The following ADAMTSL1 variants were observed in gnomAD, a reference collection of about 807,000 sequenced individuals.
ADAMTSL1 encodes ADAMTS like 1.
ADAMTSL1 carries 126 observed loss-of-function variants against 201.8 expected under a neutral mutation model. The ratio of observed to expected loss-of-function variants is 0.62; its 90% CI spans 0.54 to 0.72. ADAMTSL1 has a LOEUF of 0.72. Among genes scored for constraint, ADAMTSL1 ranks in the 30% least tolerant of loss-of-function variants. The pLI, the probability that ADAMTSL1 is intolerant of heterozygous loss-of-function variation, is 0.00. For missense variants in ADAMTSL1, 2,679 were observed against 2,277.8 expected (o/e 1.18, Z -3.59); for synonymous variants, 1,121 against 903.4 (o/e 1.24, Z -4.32).
At chr9:18,799,431 G>A (rs1448747848) in intron 20 of ADAMTSL1, among the ~76,000 whole-genome samples, 1 of 152,200 alleles carries the variant, frequency 6.6e-6, no homozygotes, top group Non-Finnish European at 1.5e-5. Flanking sequence ...AGGAAAGGAA[G>A]TAGTTTCCAG....
intron 1 of ADAMTSL1, among the ~76,000 whole-genome samples, chr9:18,101,699 T>C (rs779225731): frequency 1.6e-4 from 25 of 152,040 alleles, no homozygotes; most frequent in Non-Finnish European, 2.8e-4. Context: ...AGGTGAGAGA[T>C]AAGGCACCGT....
At chr9:18,040,869 T>C (rs1359584504) in intron 1 of ADAMTSL1, among the ~76,000 whole-genome samples, 4 of 152,188 alleles carry the variant, frequency 2.6e-5, no homozygotes, top group Non-Finnish European at 1.5e-5. Context: ...AATCTGAGGA[T>C]CAGTTTGTCA....
chr9:18,810,838 G>C (rs550114978), intron 20 of ADAMTSL1, among the ~76,000 whole-genome samples: 1 of 152,016 alleles, frequency 6.6e-6, no homozygotes, highest in South Asian at 2.1e-4. Flanking sequence ...ACCACTAAAG[G>C]CCCTGTACAT....
chr9:17,918,447 A>T (rs1826185871), intron 1 of ADAMTSL1, among the ~76,000 whole-genome samples: 1 of 151,596 alleles, frequency 6.6e-6, no homozygotes, highest in African/African-American at 2.4e-5. Context: ...TTATCTGGGT[A>T]TCTTTGTGTT....
chr9:18,228,787 G>T (rs1830528108), intron 2 of ADAMTSL1, among the ~76,000 whole-genome samples: 1 of 151,536 alleles, frequency 6.6e-6, no homozygotes, highest in Non-Finnish European at 1.5e-5. Context: ...CCTGAAACGT[G>T]TGTGATACTT....
chr9:18,503,439 A>ATATATATATATATATATATATATG (rs1822952070), intron 1 of ADAMTSL1, among the ~76,000 whole-genome samples: 1 of 149,004 alleles, frequency 6.7e-6, no homozygotes, highest in South Asian at 2.1e-4. Flanking sequence ...ATATATATAT[A>ATATATATATATATATATATATATG]TACCACATTT....
At chr9:18,218,153 C>T (rs1587334759) in intron 2 of ADAMTSL1, among the ~76,000 whole-genome samples, 1 of 152,170 alleles carries the variant, frequency 6.6e-6, no homozygotes, top group East Asian at 1.9e-4. Context: ...AAGCTACAGT[C>T]ATCTACGATC....
chr9:18,625,488 A>G (rs1826307705), intron 5 of ADAMTSL1, among the ~76,000 whole-genome samples: 1 of 152,170 alleles, frequency 6.6e-6, no homozygotes, highest in African/African-American at 2.4e-5. Context: ...GAAATAGAGC[A>G]AGATCAAAGT....
intron 8 of ADAMTSL1, among the ~76,000 whole-genome samples, chr9:18,658,793 C>T (rs1422282842): frequency 2.0e-5 from 3 of 152,188 alleles, no homozygotes; most frequent in Non-Finnish European, 4.4e-5. Context: ...TACAGCAAAT[C>T]ATTTAGTTCC....
At chr9:18,794,635 TG>T (rs1465411076) in intron 19 of ADAMTSL1, among the ~76,000 whole-genome samples, 42 of 107,674 alleles carry the variant, frequency 3.9e-4, no homozygotes, top group African/African-American at 9.9e-4. Context: ...TGTTTTTTTT[TG>T]TTGTTGTTGT....
intron 1 of ADAMTSL1, among the ~76,000 whole-genome samples, chr9:18,012,506 G>T (rs903915926): frequency 1.3e-5 from 2 of 152,146 alleles, no homozygotes; most frequent in Non-Finnish European, 2.9e-5. Flanking sequence ...CCCATTTTCC[G>T]GGGCTGGGCT....
At chr9:18,717,935 C>A in intron 14 of ADAMTSL1, 1 of 1,326,648 alleles carries the variant, frequency 7.5e-7, no homozygotes. Context: ...GACAACAGTT[C>A]TTCAGAGCTG....
At chr9:18,371,033 A>G (rs1412057869) in intron 2 of ADAMTSL1, among the ~76,000 whole-genome samples, 1 of 152,152 alleles carries the variant, frequency 6.6e-6, no homozygotes, top group Non-Finnish European at 1.5e-5. Context: ...TGTGACCTTC[A>G]TATCCAATTA....
chr9:17,981,031 C>G (rs1281866663), intron 1 of ADAMTSL1, among the ~76,000 whole-genome samples: 1 of 152,126 alleles, frequency 6.6e-6, no homozygotes, highest in Non-Finnish European at 1.5e-5. Flanking sequence ...GAGGATGGGA[C>G]CAAGCCATTC....
chr9:18,897,282 T>A (rs902897407), intron 26 of ADAMTSL1, among the ~76,000 whole-genome samples: 2 of 152,066 alleles, frequency 1.3e-5, no homozygotes, highest in African/African-American at 4.8e-5. Flanking sequence ...TTACTCAGCC[T>A]TCCCAGGACT....
chr9:18,488,689 C>G (rs1822118599), intron 1 of ADAMTSL1, among the ~76,000 whole-genome samples: 1 of 152,186 alleles, frequency 6.6e-6, no homozygotes, highest in South Asian at 2.1e-4. Context: ...ACACAGGTAG[C>G]AGGTGCCCAA....
At chr9:17,957,263 C>T (rs985158799) in intron 1 of ADAMTSL1, among the ~76,000 whole-genome samples, 4 of 152,144 alleles carry the variant, frequency 2.6e-5, no homozygotes, top group Non-Finnish European at 2.9e-5. Flanking sequence ...CTAGAAGAGC[C>T]CATTGGAGTT....
At chr9:18,204,307 G>C (rs1399577394) in intron 2 of ADAMTSL1, among the ~76,000 whole-genome samples, 1 of 151,982 alleles carries the variant, frequency 6.6e-6, no homozygotes, top group Non-Finnish European at 1.5e-5. Context: ...CATGAAATCT[G>C]ATGGTTATAT....
At chr9:18,493,704 C>T (rs1021288682) in intron 1 of ADAMTSL1, among the ~76,000 whole-genome samples, 1 of 152,244 alleles carries the variant, frequency 6.6e-6, no homozygotes. Context: ...CATTTTTGTC[C>T]TCTTCTGTTC....
Sources: gnomAD v4.1 joint callset for allele counts (sites outside exome capture counted in the v4.1 genomes callset) on GRCh38, gnomAD v4.1.1 for gene constraint, MANE v1.5 for transcripts, NCBI Gene and HGNC (gene_info 2026-07-23, HGNC 2026-07-21) for gene names.